The following KANK1 variants were observed in gnomAD, a reference collection of about 807,000 sequenced individuals.
KANK1 encodes KN motif and ankyrin repeat domains 1.
KANK1 carries 109 observed loss-of-function variants against 106.2 expected under a neutral mutation model. The ratio of observed to expected loss-of-function variants is 1.03; its 90% CI spans 0.88 to 1.20. The LOEUF (loss-of-function observed/expected upper bound fraction) is 1.20, where lower values mean the gene tolerates loss of function less well. KANK1 is among the 50% of genes most tolerant of loss of function. The probability of loss-of-function intolerance (pLI) is 0.00; values close to 1 mark genes in which losing one functional copy is unlikely to be tolerated. For synonymous variants in KANK1, 873 were observed against 652.2 expected (o/e 1.34, Z -5.16); for missense variants, 2,399 against 1,710.7 (o/e 1.40, Z -7.10).
In KANK1 at chr9:648,227, C is replaced by G. The variant is rs148815165; in HGVS notation, c.-83-28663C>G. ...TCATGTTGGTAAGGATGGTCTCAATCTCTTGACCCTGTGATCCGCCTGCCC... is the reference window on the plus strand; with the variant it reads ...TCATGTTGGTAAGGATGGTCTCAATGTCTTGACCCTGTGATCCGCCTGCCC... On this transcript the variant is annotated intron_variant, in intron 1 of 11. Coordinates refer to ENST00000382297, the MANE Select transcript of KANK1 (RefSeq NM_015158.5). Among the ~76,000 whole-genome samples, 432 of 143,334 alleles carry G rather than the reference C, an allele frequency of 3.0e-3. 37 individuals are homozygous for G. Among genetic ancestry groups the G allele is most frequent in the African/African-American group, 0.013 (430 of 33,358 alleles). The allele number at this position is 143,334 out of a possible 152,430, so 94.0% of individuals were successfully genotyped here. A position where few individuals can be genotyped will look rare whatever the true frequency, so the allele number is the denominator to read the frequency against.
intron 3 of KANK1, among the ~76,000 whole-genome samples, chr9:724,647 C>A (rs1350459162): frequency 6.6e-6 from 1 of 152,000 alleles, no homozygotes; most frequent in African/African-American, 2.4e-5. Context: ...ACTAAAAATA[C>A]AAAAAACAGC....
At chr9:699,304 T>G (rs1001262358) in intron 2 of KANK1, among the ~76,000 whole-genome samples, 7 of 152,238 alleles carry the variant, frequency 4.6e-5, no homozygotes. Context: ...TGTGTCTGTT[T>G]TGCTTAGCAC....
intron 1 of KANK1, among the ~76,000 whole-genome samples, chr9:653,905 A>C (rs1195049330): frequency 6.6e-6 from 1 of 152,154 alleles, no homozygotes; most frequent in East Asian, 1.9e-4. Context: ...ATACTTTTTA[A>C]AGCTCCCATC....
intron 1 of KANK1, among the ~76,000 whole-genome samples, chr9:654,529 T>C (rs1375357654): frequency 6.6e-6 from 1 of 152,044 alleles, no homozygotes; most frequent in Non-Finnish European, 1.5e-5. Flanking sequence ...GAATTTTTTT[T>C]TTCAAACACT....
intron 1 of KANK1, among the ~76,000 whole-genome samples, chr9:630,179 T>C (rs1835325862): frequency 1.3e-5 from 2 of 151,860 alleles, no homozygotes; most frequent in African/African-American, 4.8e-5. Context: ...GGCTGGGAGT[T>C]CGAGGCTGCA....
intron 1 of KANK1, among the ~76,000 whole-genome samples, chr9:608,229 G>C (rs1027605941): frequency 8.0e-5 from 12 of 150,246 alleles, no homozygotes; most frequent in Admixed American, 6.6e-4. Flanking sequence ...AGTAGAGACG[G>C]GGTTTCACCT....
chr9:639,518 T>A (rs1163482429), intron 1 of KANK1, among the ~76,000 whole-genome samples: 1 of 151,972 alleles, frequency 6.6e-6, no homozygotes, highest in African/African-American at 2.4e-5. Flanking sequence ...GGTTTCACCA[T>A]GTTGGCCAGG....
rs758631954 is a variant in KANK1 at position 738,446 on chromosome 9, C to A, written c.3495C>A (p.Ala1165=). 1 of 1,614,034 alleles carries A rather than the reference C, an allele frequency of 6.2e-7. No individual in the cohort carries two copies. Among genetic ancestry groups the A allele is most frequent in the African/African-American group, 1.3e-5 (1 of 74,914 alleles). Residue 1165 remains alanine, a synonymous_variant, in exon 8 of 12, where the codon GCC becomes GCA. Transcript: ENST00000382297. The part of the protein sequence containing the change: ...INLADGNGNT[A]LHYSVSHSNF... ...TGGCAGACGGCAACGGCAACACAGC[C>A]CTCCATTACAGCGTGTCCCACTCCA...
intron 1 of KANK1, among the ~76,000 whole-genome samples, chr9:525,632 C>T (rs2059756087): frequency 6.6e-6 from 1 of 151,634 alleles, no homozygotes; most frequent in Non-Finnish European, 1.5e-5. Flanking sequence ...CTGCCTGCCT[C>T]CGCTTCCCAA....
At chr9:626,385 G>A (rs537844277) in intron 1 of KANK1, among the ~76,000 whole-genome samples, 5 of 152,182 alleles carry the variant, frequency 3.3e-5, no homozygotes, top group Admixed American at 2.0e-4. Context: ...AATTCAGGAG[G>A]CAGAGGTTGC....
chr9:508,398 A>G lies in KANK1; in HGVS notation c.-84+3644A>G, dbSNP rs531503323. Among the ~76,000 whole-genome samples, 6 of 152,230 alleles carry G rather than the reference A, an allele frequency of 3.9e-5. No homozygotes were observed. In the South Asian group the frequency reaches 6.2e-4, roughly 16 times the overall value. Reference sequence around the variant, plus strand: ...GTGATCCGCCTGCCTTGGCCTCCCAAAGTGCTGGCATTACAGGCGTGAGCC... The same window carrying G: ...GTGATCCGCCTGCCTTGGCCTCCCAGAGTGCTGGCATTACAGGCGTGAGCC... On this transcript the variant is annotated intron_variant, in intron 1 of 11. Transcript: ENST00000382297.
chr9:713,212 C>T lies in KANK1; in HGVS notation c.2446C>T (p.Pro816Ser). The T allele has an allele frequency of 6.3e-7, 1 of 1,592,966 alleles. No individual in the cohort carries two copies. The highest frequency in any genetic ancestry group is 8.6e-7 in the Non-Finnish European group (1 of 1,169,512). ...TCTGGAGAACCCCCAGCCTCAAGCTCCACTTGGAATGATGACTGGCCTGGA... is the reference window on the plus strand; with the variant it reads ...TCTGGAGAACCCCCAGCCTCAAGCTTCACTTGGAATGATGACTGGCCTGGA... Reference protein sequence around the residue: ...ESLENPQPQAPLGMMTGLDHY... With the variant: ...ESLENPQPQASLGMMTGLDHY... The change falls in exon 3 of 12, where the codon CCA becomes TCA. Residue 816 changes from proline to serine, a missense_variant. Pro to Ser is a moderately conservative substitution (Grantham distance 74, BLOSUM62 -1). Transcript: ENST00000382297.
At chr9:505,217 G>A (rs1207719026) in intron 1 of KANK1, among the ~76,000 whole-genome samples, 8 of 152,176 alleles carry the variant, frequency 5.3e-5, no homozygotes, top group Admixed American at 5.2e-4. Context: ...GCTCTCCGTG[G>A]AGTTGGATGT....
intron 3 of KANK1, among the ~76,000 whole-genome samples, chr9:725,863 A>G (rs72693440): frequency 0.015 from 2,263 of 152,342 alleles, 38 homozygotes; most frequent in Non-Finnish European, 0.025. Flanking sequence ...AAGAGATTTC[A>G]GAGCTTTACT....
chr9:742,092 T>A, intron 9 of KANK1, 113 bp from the exon 10 acceptor site: 1 of 904,550 alleles, frequency 1.1e-6, no homozygotes, highest in Admixed American at 2.2e-5. Context: ...CCATCGCCAG[T>A]TCTTTCCCTT....
Position 738,358 on chromosome 9 carries a change from T to G in KANK1, c.3407T>G (p.Val1136Gly). The G allele has an allele frequency of 1.9e-6, 3 of 1,614,118 alleles. No individual in the cohort carries two copies. The highest frequency in any genetic ancestry group is 2.5e-6 in the Non-Finnish European group (3 of 1,180,018). Residue 1136 changes from valine to glycine, a missense_variant, in exon 8 of 12, where the codon GTG becomes GGG. Physicochemically the swap from Val to Gly is moderately radical, Grantham distance 109. Coordinates refer to ENST00000382297, the MANE Select transcript of KANK1 (RefSeq NM_015158.5). ...CAGAAGTCAGCCATTCCAGCCATGG[T>G]GGGGGACTACATAGCTGCTTTTGAG... ...SSQKSAIPAM[V>G]GDYIAAFEAI...
At chr9:671,316 T>C (rs2138607521) in intron 1 of KANK1, among the ~76,000 whole-genome samples, 1 of 152,046 alleles carries the variant, frequency 6.6e-6, no homozygotes, top group African/African-American at 2.4e-5. Flanking sequence ...AGGTTGATAA[T>C]CAAGCCTGCT....
chr9:598,588 C>A (rs1203842028), intron 1 of KANK1, among the ~76,000 whole-genome samples: 1 of 127,830 alleles, frequency 7.8e-6, no homozygotes, highest in African/African-American at 2.8e-5. Flanking sequence ...TAAATTTGTT[C>A]CTAGGTTTTT....
chr9:706,889 G>A, intron 2 of KANK1: 2 of 985,436 alleles, frequency 2.0e-6, no homozygotes, highest in Non-Finnish European at 1.2e-6. Flanking sequence ...ACTAGTATAG[G>A]AAAAACAGAG....
Sources: gnomAD v4.1 joint callset for allele counts (sites outside exome capture counted in the v4.1 genomes callset) on GRCh38, gnomAD v4.1.1 for gene constraint, MANE v1.5 for transcripts, NCBI Gene and HGNC (gene_info 2026-07-23, HGNC 2026-07-21) for gene names.